The following RPH3A variants were observed in gnomAD, a reference collection of about 807,000 sequenced individuals.
The protein encoded by RPH3A is rabphilin 3A.
Under a neutral mutation model 102.2 loss-of-function variants are expected in RPH3A, and 48 were observed. The observed-to-expected ratio is 0.47, with a 90% CI of 0.37 to 0.60. The LOEUF (loss-of-function observed/expected upper bound fraction) is 0.60, where lower values mean the gene tolerates loss of function less well. Among genes scored for constraint, RPH3A ranks in the 20% least tolerant of loss-of-function variants. RPH3A has a pLI of 0.00. For missense variants in RPH3A, 781 were observed against 910.1 expected (o/e 0.86, Z 1.83); for synonymous variants, 310 against 324.3 (o/e 0.96, Z 0.47).
intron 1 of RPH3A, among the ~76,000 whole-genome samples, chr12:112,769,443 C>T (rs989622873): frequency 2.6e-5 from 4 of 152,194 alleles, no homozygotes; most frequent in African/African-American, 4.8e-5. Context: ...CTAAAGCTGA[C>T]GTGGAAGTTA....
intron 1 of RPH3A, among the ~76,000 whole-genome samples, chr12:112,681,255 T>C (rs1398212948): frequency 6.6e-6 from 1 of 152,120 alleles, no homozygotes; most frequent in Non-Finnish European, 1.5e-5. Flanking sequence ...TTCTGAAGAG[T>C]TCCTCCCTCT....
intron 17 of RPH3A, among the ~76,000 whole-genome samples, 186 bp downstream of exon 17, chr12:112,888,109 A>G (rs930153589): frequency 6.6e-6 from 1 of 152,196 alleles, no homozygotes; most frequent in Non-Finnish European, 1.5e-5. Context: ...TCTGCCTTTC[A>G]CAAACCCTGT....
At chr12:112,762,697 C>T (rs1274444563) in intron 1 of RPH3A, among the ~76,000 whole-genome samples, 1 of 152,168 alleles carries the variant, frequency 6.6e-6, no homozygotes, top group Non-Finnish European at 1.5e-5. Context: ...ATCAATTTCC[C>T]TTTGTGTTGG....
At chr12:112,677,415 C>CTCCTTCCTTCCTTCCT (rs879603208) in intron 1 of RPH3A, among the ~76,000 whole-genome samples, 12 of 33,272 alleles carry the variant, frequency 3.6e-4, no homozygotes, top group Non-Finnish European at 4.5e-4. Flanking sequence ...CCCTCCTTCC[C>CTCCTTCCTTCCTTCCT]TCCTTCCTTC....
chr12:112,765,337 G>A (rs574070482), intron 1 of RPH3A, among the ~76,000 whole-genome samples: 1 of 151,810 alleles, frequency 6.6e-6, no homozygotes, highest in Admixed American at 6.6e-5. Context: ...AAGGCAGGCT[G>A]CCTAAATTTT....
chr12:112,881,172 C>A (rs2042902565), intron 14 of RPH3A, among the ~76,000 whole-genome samples: 1 of 152,150 alleles, frequency 6.6e-6, no homozygotes, highest in Non-Finnish European at 1.5e-5. Context: ...TATGTCTAAG[C>A]CCCAGGAATT....
At position 112,648,570 on chromosome 12, in the gene RPH3A, C is replaced by CAAAAAAAA. The variant is rs1167121829; in HGVS notation, c.-140+73272_-140+73279dup. Among the ~76,000 whole-genome samples the CAAAAAAAA allele has an allele frequency of 4.5e-3, 50 of 11,044 alleles. 21 individuals carry two copies. Among genetic ancestry groups the CAAAAAAAA allele is most frequent in the African/African-American group, 0.017 (42 of 2,480 alleles). 7.2% of individuals were successfully genotyped at this position (11,044 alleles called of 152,430 possible). Reference sequence around the variant, plus strand: ...GCAACAGAGTGAAACCCCATCTCTACAAAAAAAAAAAAAAAAAAAAAAAAA... The same window carrying CAAAAAAAA: ...GCAACAGAGTGAAACCCCATCTCTACAAAAAAAAAAAAAAAAAAAAAAAAAAAAAAAAA... On this transcript the variant is annotated intron_variant, in intron 1 of 21. Coordinates refer to the RPH3A transcript ENST00000543106.
chr12:112,690,862 A>T (rs944996799), intron 1 of RPH3A, among the ~76,000 whole-genome samples: 2 of 151,762 alleles, frequency 1.3e-5, no homozygotes, highest in Non-Finnish European at 2.9e-5. Flanking sequence ...ACAATGCCTC[A>T]TGACTCTCTT....
At chr12:112,640,698 C>T (rs1457885902) in intron 1 of RPH3A, among the ~76,000 whole-genome samples, 2 of 152,078 alleles carry the variant, frequency 1.3e-5, no homozygotes, top group Non-Finnish European at 2.9e-5. Context: ...ATTGTGGCCA[C>T]GGAATTTAAT....
At chr12:112,713,821 G>A (rs1299966078) in intron 1 of RPH3A, among the ~76,000 whole-genome samples, 11 of 152,174 alleles carry the variant, frequency 7.2e-5, no homozygotes, top group African/African-American at 1.7e-4. Flanking sequence ...TCTTTGTTTC[G>A]AATTAGTTAT....
intron 5 of RPH3A, among the ~76,000 whole-genome samples, chr12:112,857,824 A>G (rs1384325851): frequency 6.6e-6 from 1 of 152,136 alleles, no homozygotes; most frequent in African/African-American, 2.4e-5. Flanking sequence ...ACCCATTTGG[A>G]CCAACCTTGT....
At chr12:112,704,827 T>G (rs1410975721) in intron 1 of RPH3A, among the ~76,000 whole-genome samples, 1 of 152,284 alleles carries the variant, frequency 6.6e-6, no homozygotes, top group African/African-American at 2.4e-5. Flanking sequence ...AGCTTGGGCA[T>G]AGTGGAGATT....
chr12:112,879,385 G>A (rs903320564), intron 14 of RPH3A, among the ~76,000 whole-genome samples, 187 bp downstream of exon 14: 1 of 152,220 alleles, frequency 6.6e-6, no homozygotes. Context: ...TCCAGGGATC[G>A]TCCCAGAGGG....
At chr12:112,716,326 G>A (rs1404947008) in intron 1 of RPH3A, among the ~76,000 whole-genome samples, 3 of 152,156 alleles carry the variant, frequency 2.0e-5, no homozygotes, top group Non-Finnish European at 4.4e-5. Flanking sequence ...TGCCTCTGAC[G>A]ATGGGGTACT....
intron 2 of RPH3A, among the ~76,000 whole-genome samples, chr12:112,821,540 T>G (rs993775578): frequency 6.6e-6 from 1 of 152,182 alleles, no homozygotes; most frequent in African/African-American, 2.4e-5. Flanking sequence ...CTTTTTCCTC[T>G]GCCTGAAATG....
At chr12:112,621,088 G>A (rs1399747918) in intron 1 of RPH3A, among the ~76,000 whole-genome samples, 3 of 148,272 alleles carry the variant, frequency 2.0e-5, no homozygotes, top group Admixed American at 6.8e-5. Flanking sequence ...AGCAATCCTT[G>A]TGCCTTGGCC....
intron 1 of RPH3A, among the ~76,000 whole-genome samples, chr12:112,698,772 G>A (rs2040369848): frequency 6.6e-6 from 1 of 152,202 alleles, no homozygotes; most frequent in Non-Finnish European, 1.5e-5. Context: ...GTTGGGAATG[G>A]TGTAGCCACT....
intron 2 of RPH3A, among the ~76,000 whole-genome samples, chr12:112,805,461 G>C (rs1355764234): frequency 6.6e-6 from 1 of 152,210 alleles, no homozygotes; most frequent in Non-Finnish European, 1.5e-5. Context: ...GGAGGAGGAT[G>C]AATCCTCTTT....
intron 1 of RPH3A, among the ~76,000 whole-genome samples, chr12:112,648,766 A>AG (rs1261419239): frequency 3.3e-5 from 5 of 149,868 alleles, no homozygotes; most frequent in Admixed American, 3.3e-4. Context: ...AAAAAAAAAA[A>AG]TGGAAATTAC....
Sources: allele counts gnomAD v4.1 joint callset (sites outside exome capture counted in the v4.1 genomes callset), GRCh38; gene constraint gnomAD v4.1.1; transcripts MANE v1.5; gene names NCBI Gene and HGNC (gene_info 2026-07-23, HGNC 2026-07-21).